The following PTPRM variants were observed in gnomAD, a reference collection of about 807,000 sequenced individuals.
PTPRM encodes the protein receptor-type tyrosine-protein phosphatase mu.
A neutral mutation model predicts 186.7 loss-of-function variants in PTPRM; 47 were observed. That is an observed-to-expected ratio of 0.25 (90% CI 0.20 to 0.32). The LOEUF (loss-of-function observed/expected upper bound fraction) is 0.32, where lower values mean the gene tolerates loss of function less well. Ranked by LOEUF, PTPRM falls within the 10% of genes least tolerant of loss-of-function variation. PTPRM has a pLI of 1.00. For synonymous variants in PTPRM, 668 were observed against 674.9 expected, an observed-to-expected ratio of 0.99 and a Z score of 0.16; for missense variants, 1,494 against 1,865.0, an observed-to-expected ratio of 0.80 and a Z score of 3.66.
intron 1 of PTPRM, among the ~76,000 whole-genome samples, chr18:7,768,089 A>G (rs2042097669): frequency 6.6e-6 from 1 of 152,218 alleles, no homozygotes; most frequent in Admixed American, 6.5e-5. Flanking sequence ...AGACACAGTT[A>G]TAATCAGTAT....
chr18:7,794,625 A>T (rs868559387), intron 2 of PTPRM, among the ~76,000 whole-genome samples: 1 of 152,224 alleles, frequency 6.6e-6, no homozygotes, highest in Middle Eastern at 3.2e-3. Context: ...GAATATGTTC[A>T]TCATATCGCC....
At chr18:7,853,294 G>A (rs1444015551) in intron 2 of PTPRM, among the ~76,000 whole-genome samples, 1 of 152,196 alleles carries the variant, frequency 6.6e-6, no homozygotes, top group African/African-American at 2.4e-5. Context: ...CCTTATGTGA[G>A]TTACTTAGTT....
chr18:7,693,662 G>A (rs1368481965), intron 1 of PTPRM, among the ~76,000 whole-genome samples: 1 of 152,200 alleles, frequency 6.6e-6, no homozygotes, highest in Non-Finnish European at 1.5e-5. Flanking sequence ...TGTAATAGAA[G>A]CAATCTGTAA....
intron 2 of PTPRM, among the ~76,000 whole-genome samples, chr18:7,777,530 A>G (rs2042647953): frequency 6.6e-6 from 1 of 152,198 alleles, no homozygotes; most frequent in Non-Finnish European, 1.5e-5. Context: ...CTGGCCCTTT[A>G]TGGAAAAATG....
intron 3 of PTPRM, among the ~76,000 whole-genome samples, chr18:7,895,978 G>T (rs1599354596): frequency 6.6e-6 from 1 of 152,334 alleles, no homozygotes; most frequent in East Asian, 1.9e-4. Flanking sequence ...GTATGCTACA[G>T]GTACACATCA....
At chr18:7,646,875 C>T (rs2038577431) in intron 1 of PTPRM, among the ~76,000 whole-genome samples, 3 of 152,032 alleles carry the variant, frequency 2.0e-5, no homozygotes, top group African/African-American at 7.2e-5. Flanking sequence ...CTTGTTTCCT[C>T]CAAGTTGGAA....
chr18:8,111,403 G>A (rs550871729), intron 11 of PTPRM, among the ~76,000 whole-genome samples: 7 of 152,236 alleles, frequency 4.6e-5, no homozygotes, highest in Non-Finnish European at 8.8e-5. Context: ...ACGATGTCAG[G>A]AGATTGAGAT....
chr18:7,768,705 G>A (rs1167073293), intron 1 of PTPRM, among the ~76,000 whole-genome samples: 2 of 150,816 alleles, frequency 1.3e-5, no homozygotes, highest in African/African-American at 4.9e-5. Flanking sequence ...GGAGGGCAAT[G>A]GCATGATCTT....
intron 7 of PTPRM, among the ~76,000 whole-genome samples, chr18:8,066,730 C>T (rs1329184875): frequency 1.3e-5 from 2 of 152,206 alleles, no homozygotes; most frequent in African/African-American, 4.8e-5. Flanking sequence ...GAGTGTCACC[C>T]TCTTTTCATC....
rs191546536 is a variant in PTPRM, at chr18:8,310,839, A to C, written c.2843-3942A>C. Among the ~76,000 whole-genome samples the C allele has an allele frequency of 4.4e-3, 668 of 152,314 alleles. 3 individuals are homozygous for C. Among genetic ancestry groups the C allele is most frequent in the African/African-American group, 0.016 (645 of 41,560 alleles). ...GCATAGTGTTTGGCATATAGCAGAT[A>C]CTCAAAAAGTCACTGAATAAATGAG... On this transcript the variant is annotated intron_variant, in intron 20 of 32. Coordinates refer to ENST00000580170, the MANE Select transcript of PTPRM (RefSeq NM_001105244.2).
chr18:8,378,807 T>C (rs1243846248), intron 27 of PTPRM, among the ~76,000 whole-genome samples: 2 of 152,170 alleles, frequency 1.3e-5, no homozygotes, highest in African/African-American at 2.4e-5. Flanking sequence ...CTCTCCATTG[T>C]ATTCCTCACA....
chr18:8,156,382 CTT>C (rs2093122464), intron 14 of PTPRM, among the ~76,000 whole-genome samples: 1 of 152,182 alleles, frequency 6.6e-6, no homozygotes, highest in African/African-American at 2.4e-5. Flanking sequence ...CACCACAACT[CTT>C]TACTTTGTGG....
chr18:7,929,521 A>G (rs2051358139), intron 5 of PTPRM, among the ~76,000 whole-genome samples: 1 of 152,214 alleles, frequency 6.6e-6, no homozygotes, highest in African/African-American at 2.4e-5. Context: ...TCCTGGAATC[A>G]GGACACTATT....
intron 23 of PTPRM, among the ~76,000 whole-genome samples, chr18:8,365,388 C>A (rs2095622362): frequency 1.3e-5 from 2 of 152,228 alleles, no homozygotes; most frequent in African/African-American, 2.4e-5. Flanking sequence ...ACATGCTCTT[C>A]CATCCACTAA....
At chr18:8,339,435 G>A (rs1231580943) in intron 22 of PTPRM, among the ~76,000 whole-genome samples, 1 of 152,206 alleles carries the variant, frequency 6.6e-6, no homozygotes, top group Non-Finnish European at 1.5e-5. Context: ...AGCAATTGCA[G>A]TGGCTCCCCC....
chr18:7,676,335 G>A (rs1408460489), intron 1 of PTPRM, among the ~76,000 whole-genome samples: 2 of 152,170 alleles, frequency 1.3e-5, no homozygotes. Context: ...TTTGGTGGCT[G>A]GCGATCAGCT....
intron 14 of PTPRM, chr18:8,154,997 AT>A (rs1439506845): frequency 6.6e-6 from 1 of 152,178 alleles, no homozygotes; most frequent in Non-Finnish European, 1.5e-5. Flanking sequence ...AAGATTTGAC[AT>A]TTTGATGCAG....
intron 7 of PTPRM, among the ~76,000 whole-genome samples, chr18:7,961,237 C>T (rs2053662846): frequency 6.6e-6 from 1 of 152,312 alleles, no homozygotes; most frequent in Middle Eastern, 3.4e-3. Flanking sequence ...ATCTTTACAT[C>T]TTCCCAAACT....
intron 14 of PTPRM, among the ~76,000 whole-genome samples, chr18:8,214,212 A>G (rs1206464586): frequency 1.3e-5 from 2 of 152,290 alleles, no homozygotes; most frequent in East Asian, 1.9e-4. Context: ...ATTGCTATCC[A>G]TGTAACCAAA....
Sources: allele counts gnomAD v4.1 joint callset (sites outside exome capture counted in the v4.1 genomes callset), GRCh38; gene constraint gnomAD v4.1.1; transcripts MANE v1.5; gene names NCBI Gene and HGNC (gene_info 2026-07-23, HGNC 2026-07-21).